Variants in TTC39C observed in about 807,000 individuals in gnomAD.
The protein encoded by TTC39C is tetratricopeptide repeat domain 39C.
A neutral mutation model predicts 76.3 loss-of-function variants in TTC39C; 33 were observed. The observed-to-expected ratio is 0.43, with a 90% CI of 0.33 to 0.58. The LOEUF is 0.58. TTC39C is among the 20% of genes least tolerant of loss of function. The pLI is 0.04. For synonymous variants in TTC39C, 254 were observed against 260.6 expected, an observed-to-expected ratio of 0.97 and a Z score of 0.24; for missense variants, 595 against 701.4, an observed-to-expected ratio of 0.85 and a Z score of 1.71.
intron 1 of TTC39C, among the ~76,000 whole-genome samples, chr18:24,034,904 T>G (rs924882544): frequency 7.9e-5 from 12 of 152,224 alleles, no homozygotes; most frequent in Non-Finnish European, 1.5e-4. Context: ...TGCTTCCACC[T>G]TTTGGCTATT....
chr18:24,045,141 C>T (rs974146528), intron 1 of TTC39C, among the ~76,000 whole-genome samples: 8 of 151,932 alleles, frequency 5.3e-5, no homozygotes, highest in South Asian at 4.2e-4. Flanking sequence ...CGGTGGCACA[C>T]GCCTGTAGTC....
chr18:24,069,325 T>C (rs2084208053), intron 4 of TTC39C, 54 bp downstream of exon 4: 1 of 1,441,398 alleles, frequency 6.9e-7, no homozygotes, highest in Admixed American at 1.7e-5. Context: ...ACACAATTAG[T>C]AATATGCTTT....
chr18:24,099,742 T>TA (rs769237039), intron 6 of TTC39C, among the ~76,000 whole-genome samples: 1 of 152,068 alleles, frequency 6.6e-6, no homozygotes, highest in Non-Finnish European at 1.5e-5. Context: ...AAGGAGTTCT[T>TA]ATGTAACTTA....
chr18:24,030,977 T>C (rs1330667392), intron 1 of TTC39C, among the ~76,000 whole-genome samples: 1 of 149,384 alleles, frequency 6.7e-6, no homozygotes, highest in Non-Finnish European at 1.5e-5. Context: ...AGGGTCTTAC[T>C]CTGTTGCCCA....
chr18:24,007,636 G>A (rs141651076), intron 1 of TTC39C, among the ~76,000 whole-genome samples: 10 of 152,214 alleles, frequency 6.6e-5, no homozygotes, highest in African/African-American at 1.4e-4. Flanking sequence ...CACCCACCTC[G>A]GCCTCCCAAA....
chr18:24,002,233 C>T (rs1340477858), intron 1 of TTC39C, among the ~76,000 whole-genome samples: 2 of 152,124 alleles, frequency 1.3e-5, no homozygotes, highest in Non-Finnish European at 2.9e-5. Context: ...ACACAAGCAG[C>T]ACCATCAGAA....
intron 1 of TTC39C, among the ~76,000 whole-genome samples, chr18:24,004,028 G>A (rs2083333406): frequency 6.6e-6 from 1 of 152,176 alleles, no homozygotes; most frequent in African/African-American, 2.4e-5. Context: ...TGGGATTACA[G>A]GGGTGAGCCA....
intron 1 of TTC39C, among the ~76,000 whole-genome samples, chr18:24,029,454 A>G (rs2083641683): frequency 6.6e-6 from 1 of 152,258 alleles, no homozygotes; most frequent in South Asian, 2.1e-4. Flanking sequence ...ATTATGCCAC[A>G]TATAATAGAG....
intron 4 of TTC39C, among the ~76,000 whole-genome samples, chr18:24,075,418 G>T (rs957925942): frequency 1.7e-4 from 26 of 152,036 alleles, no homozygotes; most frequent in Non-Finnish European, 3.5e-4. Context: ...GCTCACACCT[G>T]TGCACGGTGG....
At chr18:24,060,190 C>G (rs2084076748) in intron 1 of TTC39C, among the ~76,000 whole-genome samples, 1 of 152,142 alleles carries the variant, frequency 6.6e-6, no homozygotes, top group South Asian at 2.1e-4. Flanking sequence ...CTCCCACCAA[C>G]AGTGTAAGAG....
At chr18:24,069,969 G>A (rs190078657) in intron 4 of TTC39C, among the ~76,000 whole-genome samples, 30 of 152,230 alleles carry the variant, frequency 2.0e-4, no homozygotes, top group Non-Finnish European at 3.2e-4. Flanking sequence ...TGAAAAAACC[G>A]AAAATTCTAA....
At chr18:24,021,561 T>C (rs111506054) in intron 1 of TTC39C, among the ~76,000 whole-genome samples, 29,542 of 144,034 alleles carry the variant, frequency 0.21, 3,739 homozygotes, top group East Asian at 0.56. Flanking sequence ...TTTTTTTTTT[T>C]CCGAGACAGA....
chr18:24,083,458 ACT>A (rs1437516931), intron 6 of TTC39C, among the ~76,000 whole-genome samples: 1 of 152,148 alleles, frequency 6.6e-6, no homozygotes, highest in Non-Finnish European at 1.5e-5. Flanking sequence ...CTAACAATTG[ACT>A]TATACAAAAG....
chr18:24,003,673 G>A (rs1402091313), intron 1 of TTC39C, among the ~76,000 whole-genome samples: 1 of 142,902 alleles, frequency 7.0e-6, no homozygotes, highest in Non-Finnish European at 1.5e-5. Flanking sequence ...AAAAAAAAAA[G>A]CTCTCTAAAG....
chr18:24,005,733 C>T (rs1204255408), intron 1 of TTC39C, among the ~76,000 whole-genome samples: 1 of 150,838 alleles, frequency 6.6e-6, no homozygotes, highest in Non-Finnish European at 1.5e-5. Flanking sequence ...GTGTAGCCTG[C>T]AGTCAGGAGG....
intron 1 of TTC39C, among the ~76,000 whole-genome samples, chr18:24,006,044 G>T (rs892298097): frequency 6.0e-5 from 9 of 149,206 alleles, no homozygotes; most frequent in Non-Finnish European, 1.0e-4. Flanking sequence ...ACAGGGTCTT[G>T]CTCTGTCACC....
At chr18:24,063,536 A>C (rs1347323427) in intron 1 of TTC39C, among the ~76,000 whole-genome samples, 1 of 137,516 alleles carries the variant, frequency 7.3e-6, no homozygotes, top group Non-Finnish European at 1.5e-5. Flanking sequence ...TTTTTGAGAC[A>C]GAGTCTCACT....
At chr18:24,115,179 A>G (rs1467779051) in intron 7 of TTC39C, 1 of 152,724 alleles carries the variant, frequency 6.5e-6, no homozygotes, top group Non-Finnish European at 1.5e-5. Context: ...CCCTCCATAC[A>G]TGTTAGCTGC....
chr18:24,033,292 C>T (rs2083694410), intron 1 of TTC39C, among the ~76,000 whole-genome samples: 1 of 152,140 alleles, frequency 6.6e-6, no homozygotes, highest in African/African-American at 2.4e-5. Context: ...GTGCTTTCTC[C>T]AATTATGCCA....
Sources: allele counts gnomAD v4.1 joint callset (sites outside exome capture counted in the v4.1 genomes callset), GRCh38; gene constraint gnomAD v4.1.1; transcripts MANE v1.5; gene names NCBI Gene and HGNC (gene_info 2026-07-23, HGNC 2026-07-21).